ANKRD11: variants seen among roughly 807,000 people sequenced by gnomAD.
ANKRD11 encodes the protein ankyrin repeat domain 11, also known as ankyrin repeat domain-containing protein 11.
ANKRD11 carries 17 observed loss-of-function variants against 195.7 expected under a neutral mutation model. The observed-to-expected ratio is 0.09, with a 90% CI of 0.06 to 0.13. The LOEUF (loss-of-function observed/expected upper bound fraction) is 0.13, where lower values mean the gene tolerates loss of function less well. ANKRD11 is among the 10% of genes least tolerant of loss of function. The probability of loss-of-function intolerance (pLI) is 1.00; values close to 1 mark genes in which losing one functional copy is unlikely to be tolerated. For synonymous variants in ANKRD11, 1,953 were observed against 1,528.1 expected, an observed-to-expected ratio of 1.28 and a Z score of -6.49; for missense variants, 3,735 against 3,566.1, an observed-to-expected ratio of 1.05 and a Z score of -1.21.
intron 2 of ANKRD11, among the ~76,000 whole-genome samples, chr16:89,319,214 C>A (rs117872084): frequency 2.0e-5 from 3 of 152,240 alleles, no homozygotes; most frequent in Non-Finnish European, 2.9e-5. Context: ...GTGGTCAGGG[C>A]GCAGACCCCA....
intron 1 of ANKRD11, among the ~76,000 whole-genome samples, chr16:89,476,051 C>CAAAAAA (rs558174138): frequency 1.5e-5 from 1 of 66,238 alleles, no homozygotes; most frequent in Admixed American, 1.7e-4. Context: ...GACTGTGTCT[C>CAAAAAA]AAAAAAAAAA....
chr16:89,279,300 C>A lies in ANKRD11; in HGVS notation c.7242G>T (p.Thr2414=). 7.4e-6 allele frequency: 12 copies of A among 1,611,734 alleles called. No individual in the cohort carries two copies. The highest frequency in any genetic ancestry group is 1.0e-5 in the Non-Finnish European group (12 of 1,179,668). ...TGATGGCGTCCACGATGGCGGCCAG[C>A]GTCTGCTGGATCACCTCCCGCGTCT... ...TQQTREVIQQ[T]LAAIVDAIKL... The change falls in exon 9 of 13, where the codon ACG becomes ACT. Residue 2414 remains threonine, a synonymous_variant. Coordinates refer to ENST00000301030, the MANE Select transcript of ANKRD11 (RefSeq NM_013275.6). This position sits in a 1 kb window ranked among gnomAD's most constrained non-coding sequence, Gnocchi z 5.6.
intron 2 of ANKRD11, chr16:89,328,793 C>G (rs4506900): frequency 7.6e-6 from 1 of 132,424 alleles, no homozygotes; most frequent in African/African-American, 2.9e-5. Flanking sequence ...CACACCCAGG[C>G]GCACGGGCGA....
intron 10 of ANKRD11, 46 bp downstream of exon 10, chr16:89,275,047 A>G: frequency 6.2e-7 from 1 of 1,612,752 alleles, no homozygotes; most frequent in Non-Finnish European, 8.5e-7. Context: ...CTGCGCCGTG[A>G]AAAGCCCTGG....
intron 1 of ANKRD11, among the ~76,000 whole-genome samples, chr16:89,452,436 G>A (rs1206385836): frequency 2.6e-5 from 4 of 152,096 alleles, no homozygotes; most frequent in Admixed American, 6.5e-5. Context: ...CACCCTGGGC[G>A]TGATTAAAAC....
intron 1 of ANKRD11, among the ~76,000 whole-genome samples, chr16:89,464,158 G>T (rs940453991): frequency 6.6e-6 from 1 of 152,062 alleles, no homozygotes; most frequent in South Asian, 2.1e-4. Context: ...AGAATCACTT[G>T]AACCTGGGAG....
chr16:89,402,770 G>A lies in ANKRD11; in HGVS notation c.-60+15514C>T, dbSNP rs1212517844. Among the ~76,000 whole-genome samples the A allele has an allele frequency of 2.1e-5, 3 of 142,732 alleles. No individual in the cohort carries two copies. In the Admixed American group the frequency reaches 2.1e-4, roughly 10 times the overall value. 93.6% of individuals were successfully genotyped at this position (142,732 alleles called of 152,430 possible). A position where few individuals can be genotyped will look rare whatever the true frequency, so the allele number is the denominator to read the frequency against. On this transcript the variant is annotated intron_variant, in intron 2 of 12. Coordinates refer to ENST00000301030, the MANE Select transcript of ANKRD11 (RefSeq NM_013275.6). ...GGGGTATCTGCAGGGTGAGGTGAGG[G>A]GACAGCTCTGTGGGATGAGGTGAGG...
chr16:89,359,523 C>T lies in ANKRD11; in HGVS notation c.-59-42445G>A, dbSNP rs931084067. Reference sequence around the variant, plus strand: ...CAGCACTGTGACCTCACTGTGCCTACCTCCTTGTTCCGGCCCTGCAGTCTT... The same window carrying T: ...CAGCACTGTGACCTCACTGTGCCTATCTCCTTGTTCCGGCCCTGCAGTCTT... On this transcript the variant is annotated intron_variant, in intron 2 of 12. Coordinates refer to ENST00000301030, the MANE Select transcript of ANKRD11 (RefSeq NM_013275.6). Among the ~76,000 whole-genome samples, 5 of 152,214 alleles carry T rather than the reference C, an allele frequency of 3.3e-5. No individual in the cohort carries two copies. In the East Asian group the frequency reaches 9.6e-4, roughly 29 times the overall value.
chr16:89,482,119 G>A (rs551277766), intron 1 of ANKRD11, among the ~76,000 whole-genome samples: 1 of 152,180 alleles, frequency 6.6e-6, no homozygotes, highest in African/African-American at 2.4e-5. Flanking sequence ...CATCTGTGAA[G>A]GAAATCAGTG....
At chr16:89,371,181 C>T (rs1384943798) in intron 2 of ANKRD11, among the ~76,000 whole-genome samples, 1 of 152,056 alleles carries the variant, frequency 6.6e-6, no homozygotes, top group Admixed American at 6.5e-5. Context: ...CAAGGAAGTG[C>T]CAGAAAAAGA....
intron 2 of ANKRD11, among the ~76,000 whole-genome samples, chr16:89,355,331 C>A (rs1161646035): frequency 1.3e-5 from 2 of 152,094 alleles, no homozygotes; most frequent in African/African-American, 4.8e-5. Context: ...CCACAAGGAC[C>A]AAAGAGGAAC....
intron 2 of ANKRD11, chr16:89,324,486 A>G (rs2037574509): frequency 2.2e-6 from 1 of 456,488 alleles, no homozygotes; most frequent in African/African-American, 2.0e-5. Context: ...AAGGATGTGT[A>G]ACTGTTCCTG....
At chr16:89,347,997 G>T (rs146642697) in intron 2 of ANKRD11, among the ~76,000 whole-genome samples, 1 of 151,740 alleles carries the variant, frequency 6.6e-6, no homozygotes, top group East Asian at 1.9e-4. Context: ...GAAATGGCAT[G>T]ATCTCGGCTC....
chr16:89,453,960 A>G (rs1286285865), intron 1 of ANKRD11, among the ~76,000 whole-genome samples: 1 of 152,236 alleles, frequency 6.6e-6, no homozygotes, highest in Non-Finnish European at 1.5e-5. Flanking sequence ...CAAGGGGCAG[A>G]GGAGCACCCG....
intron 11 of ANKRD11, among the ~76,000 whole-genome samples, chr16:89,273,745 G>A (rs1025137861): frequency 6.6e-6 from 1 of 152,084 alleles, no homozygotes; most frequent in Non-Finnish European, 1.5e-5. Context: ...GAGAGACATT[G>A]ATAAAATACA....
intron 2 of ANKRD11, among the ~76,000 whole-genome samples, chr16:89,344,564 G>A (rs377098562): frequency 1.3e-5 from 2 of 152,168 alleles, no homozygotes; most frequent in African/African-American, 4.8e-5. Context: ...TTGTCTGAAC[G>A]CTGCCTCAGC....
rs533512115 is a variant in ANKRD11, at chr16:89,382,842, T to C, written c.-60+35442A>G. On this transcript the variant is annotated intron_variant, in intron 2 of 12. Coordinates refer to ENST00000301030, the MANE Select transcript of ANKRD11 (RefSeq NM_013275.6). ...CAAGAAACAAAAGTAGAGTTTCCTTTGTTTGCCCATTTTTTGAGACAGAGT... is the reference window on the plus strand; with the variant it reads ...CAAGAAACAAAAGTAGAGTTTCCTTCGTTTGCCCATTTTTTGAGACAGAGT... 2.6e-5 allele frequency among the ~76,000 whole-genome samples: 4 copies of C among 152,152 alleles called. No homozygotes were observed. The East Asian group carries it at 7.8e-4, about 30-fold the overall frequency.
In ANKRD11 at chr16:89,283,623, C is replaced by A. The variant is rs373837204; in HGVS notation, c.2919G>T (p.Arg973=). The A allele has an allele frequency of 1.9e-6, 3 of 1,610,302 alleles. No homozygotes were observed. The highest frequency in any genetic ancestry group is 2.7e-5 in the African/African-American group (2 of 74,928). The change falls in exon 9 of 13, where the codon CGG becomes CGT. Residue 973 remains arginine, a synonymous_variant. Transcript: ENST00000301030. This position sits in a 1 kb window ranked among gnomAD's most constrained non-coding sequence, Gnocchi z 4.3. ...DGRAKPEEAH[R]EELKECGCES... is the part of the protein sequence containing the mutation. ...CGCAGCCACACTCCTTCAGCTCCTC[C>A]CGGTGCGCCTCCTCGGGCTTGGCCC... is the stretch of plus-strand genomic sequence containing the variant.
At chr16:89,434,052 G>C (rs1597391116) in intron 1 of ANKRD11, among the ~76,000 whole-genome samples, 1 of 152,228 alleles carries the variant, frequency 6.6e-6, no homozygotes, top group East Asian at 1.9e-4. Context: ...TACAGAGAAG[G>C]GAGGATGCCC....
Sources: allele counts gnomAD v4.1 joint callset (sites outside exome capture counted in the v4.1 genomes callset), GRCh38; gene constraint gnomAD v4.1.1; non-coding constraint Gnocchi (gnomAD v3.1); transcripts MANE v1.5; gene names NCBI Gene and HGNC (gene_info 2026-07-23, HGNC 2026-07-21).